The following ADK variants were observed in gnomAD, a reference collection of about 807,000 sequenced individuals.
The protein encoded by ADK is adenosine kinase, also known as N6,N6-dimethyladenosine kinase.
Under a neutral mutation model 44.7 loss-of-function variants are expected in ADK, and 24 were observed. The observed-to-expected ratio is 0.54, with a 90% CI of 0.39 to 0.76. The LOEUF (loss-of-function observed/expected upper bound fraction) is 0.76. ADK is among the 30% of genes least tolerant of loss of function. ADK has a pLI of 0.00. For synonymous variants in ADK, 128 were observed against 142.6 expected (o/e 0.90, Z 0.73); for missense variants, 321 against 425.1 (o/e 0.76, Z 2.15).
intron 6 of ADK, among the ~76,000 whole-genome samples, chr10:74,427,049 C>A (rs553310178): frequency 6.6e-6 from 1 of 151,684 alleles, no homozygotes; most frequent in African/African-American, 2.4e-5. Context: ...ATATCCATAC[C>A]GAAAGGGGAT....
chr10:74,229,339 T>G (rs552310374), intron 3 of ADK, among the ~76,000 whole-genome samples: 1 of 150,972 alleles, frequency 6.6e-6, no homozygotes, highest in East Asian at 1.9e-4. Context: ...AGTATTTAAA[T>G]GGAATGTGTA....
chr10:74,243,871 A>G (rs1845317223), intron 3 of ADK, among the ~76,000 whole-genome samples: 2 of 152,220 alleles, frequency 1.3e-5, no homozygotes, highest in Non-Finnish European at 2.9e-5. Flanking sequence ...ATTTTTTTTA[A>G]ACATAAATAA....
chr10:74,645,023 G>A (rs1246235590), intron 9 of ADK, among the ~76,000 whole-genome samples: 1 of 152,108 alleles, frequency 6.6e-6, no homozygotes, highest in Non-Finnish European at 1.5e-5. Flanking sequence ...AGCCCACTGT[G>A]TTTCACTTTT....
intron 6 of ADK, among the ~76,000 whole-genome samples, chr10:74,443,996 G>A (rs1845511351): frequency 6.6e-6 from 1 of 152,150 alleles, no homozygotes; most frequent in Admixed American, 6.5e-5. Context: ...TAAAACTCAT[G>A]TGTTAGTAAG....
intron 9 of ADK, among the ~76,000 whole-genome samples, chr10:74,609,477 C>G (rs1264962848): frequency 6.6e-6 from 1 of 152,244 alleles, no homozygotes; most frequent in African/African-American, 2.4e-5. Flanking sequence ...TCATGGCTTC[C>G]CTTGACTAGG....
chr10:74,646,595 A>G (rs1854062360), intron 9 of ADK, among the ~76,000 whole-genome samples: 1 of 152,234 alleles, frequency 6.6e-6, no homozygotes, highest in South Asian at 2.1e-4. Context: ...AAGCCTTGAC[A>G]TAGCTGCTCA....
At chr10:74,468,439 A>G (rs568465427) in intron 6 of ADK, among the ~76,000 whole-genome samples, 33 of 152,300 alleles carry the variant, frequency 2.2e-4, no homozygotes, top group African/African-American at 7.5e-4. Context: ...TGTTAATGGC[A>G]TGATTTTTAA....
intron 3 of ADK, among the ~76,000 whole-genome samples, chr10:74,280,269 A>AT (rs1171477519): frequency 6.6e-6 from 1 of 151,788 alleles, no homozygotes; most frequent in African/African-American, 2.4e-5. Flanking sequence ...TGCCCGGCTA[A>AT]TTTTTTGTAT....
At chr10:74,461,944 ACTCAGGTT>A (rs1214635725) in intron 6 of ADK, among the ~76,000 whole-genome samples, 1 of 152,026 alleles carries the variant, frequency 6.6e-6, no homozygotes, top group Non-Finnish European at 1.5e-5. Context: ...AAATATCTTG[ACTCAGGTT>A]CTATTACAGG....
chr10:74,707,655 C>T (rs1035530757), intron 10 of ADK, among the ~76,000 whole-genome samples: 3 of 149,804 alleles, frequency 2.0e-5, no homozygotes, highest in African/African-American at 4.9e-5. Flanking sequence ...CCCAGCTACT[C>T]GGGAGCCTGA....
rs887210081 is a variant in ADK, at chr10:74,708,149, C to T, written c.965-172C>T. Among the ~76,000 whole-genome samples, 5 of 49,782 alleles carry T rather than the reference C, an allele frequency of 1.0e-4. No homozygotes were observed. In the Admixed American group the frequency reaches 1.3e-3, roughly 13 times the overall value. The allele number at this position is 49,782 out of a possible 152,430, so 32.7% of individuals were successfully genotyped here. A position where few individuals can be genotyped will look rare whatever the true frequency, so the allele number is the denominator to read the frequency against. On this transcript the variant is annotated intron_variant, in intron 10 of 10. Transcript: ENST00000539909. ...TGCGTGACAGGGCAAGACTCCATCT[C>T]GGGGAAAAAAAAAAAAAAAAAGACC... is the stretch of plus-strand genomic sequence containing the variant.
chr10:74,396,689 C>T (rs923863219), intron 5 of ADK, among the ~76,000 whole-genome samples: 1 of 151,880 alleles, frequency 6.6e-6, no homozygotes, highest in Non-Finnish European at 1.5e-5. Context: ...CATGGCAGCT[C>T]ATGCCTGTAA....
chr10:74,520,461 CACACAT>C (rs547788878), intron 6 of ADK, among the ~76,000 whole-genome samples: 33 of 151,578 alleles, frequency 2.2e-4, no homozygotes, highest in Non-Finnish European at 3.7e-4. Flanking sequence ...GTTGTGTATG[CACACAT>C]ACACATACAC....
intron 3 of ADK, among the ~76,000 whole-genome samples, chr10:74,281,497 G>C (rs1316571481): frequency 6.6e-6 from 1 of 152,054 alleles, no homozygotes; most frequent in African/African-American, 2.4e-5. Context: ...AAACCGTTAG[G>C]GGACAAAAAG....
intron 9 of ADK, among the ~76,000 whole-genome samples, chr10:74,605,317 G>T (rs1426191187): frequency 1.3e-5 from 2 of 152,162 alleles, no homozygotes; most frequent in Admixed American, 1.3e-4. Flanking sequence ...TCCTTGTCTT[G>T]TGCCGGTTTT....
chr10:74,648,664 G>A (rs980598667), intron 9 of ADK, among the ~76,000 whole-genome samples: 8 of 151,774 alleles, frequency 5.3e-5, no homozygotes, highest in Admixed American at 6.6e-5. Flanking sequence ...GTGACAAAGC[G>A]AGACTCCATC....
intron 1 of ADK, among the ~76,000 whole-genome samples, chr10:74,155,207 G>A (rs988520332): frequency 4.6e-5 from 7 of 152,056 alleles, no homozygotes; most frequent in Non-Finnish European, 7.4e-5. Context: ...CTAGGAGCTG[G>A]GCATGGTGGC....
chr10:74,679,927 T>C (rs111746734), intron 10 of ADK, among the ~76,000 whole-genome samples: 40 of 150,790 alleles, frequency 2.7e-4, no homozygotes, highest in African/African-American at 9.5e-4. Context: ...CACCACACTC[T>C]AGCCTGGGCG....
intron 3 of ADK, among the ~76,000 whole-genome samples, chr10:74,307,372 A>T (rs550708491): frequency 1.5e-4 from 23 of 152,310 alleles, no homozygotes; most frequent in African/African-American, 5.3e-4. Context: ...CTCTGTCTTC[A>T]TGCTTCTGGC....
Sources: gnomAD v4.1 joint callset for allele counts (sites outside exome capture counted in the v4.1 genomes callset) on GRCh38, gnomAD v4.1.1 for gene constraint, MANE v1.5 for transcripts, NCBI Gene and HGNC (gene_info 2026-07-23, HGNC 2026-07-21) for gene names.